ZNF560: variants seen among roughly 807,000 people sequenced by gnomAD.
ZNF560 encodes the protein zinc finger protein 560.
A neutral mutation model predicts 81.8 loss-of-function variants in ZNF560; 54 were observed. The observed-to-expected ratio is 0.66, with a 90% confidence interval of 0.53 to 0.83. The LOEUF (loss-of-function observed/expected upper bound fraction) is 0.83. ZNF560 is among the 40% of genes least tolerant of loss of function. ZNF560 has a pLI of 0.00. For synonymous variants in ZNF560, 321 were observed against 317.9 expected, an observed-to-expected ratio of 1.01 and a Z score of -0.10; for missense variants, 940 against 932.4, an observed-to-expected ratio of 1.01 and a Z score of -0.11.
chr19:9,467,544 G>T lies in ZNF560; in HGVS notation c.1403C>A (p.Ala468Asp), dbSNP rs1372786168. ...AATAACACCTGAGGATGTACCAAAGGCCTTCCCATATTCCTTATGCTCATA... is the reference window on the plus strand; with the variant it reads ...AATAACACCTGAGGATGTACCAAAGTCCTTCCCATATTCCTTATGCTCATA... ...KPYEHKEYGK[A>D]FGTSSGVIED... The change falls in exon 10 of 10, where the codon GCC (alanine) becomes GAC (aspartate). Residue 468 changes from alanine to aspartate, a missense_variant. Transcript: ENST00000301480. 1.2e-6 allele frequency: 2 copies of T among 1,613,970 alleles called. No homozygotes were observed. The highest frequency in any genetic ancestry group is 2.7e-5 in the African/African-American group (2 of 74,906).
chr19:9,490,479 A>C (rs11669128), intron 2 of ZNF560, among the ~76,000 whole-genome samples: 91,819 of 151,984 alleles, frequency 0.6, 27,963 homozygotes, highest in South Asian at 0.7. Flanking sequence ...ACATTTCGTC[A>C]CTAGCATGAA....
chr19:9,465,748 T>C (rs188430371), downstream of ZNF560, among the ~76,000 whole-genome samples: 34 of 152,290 alleles, frequency 2.2e-4, 1 homozygote, highest in African/African-American at 7.9e-4. Context: ...ATTCTACCAC[T>C]TTGGGAGGCC....
chr19:9,485,761 C>G (rs1444731244), intron 2 of ZNF560, among the ~76,000 whole-genome samples: 1 of 152,056 alleles, frequency 6.6e-6, no homozygotes, highest in Non-Finnish European at 1.5e-5. Context: ...GTCTTGAACT[C>G]CTGGCCTCAA....
At chr19:9,498,371 C>T (rs1306284153) in intron 1 of ZNF560, among the ~76,000 whole-genome samples, 156 bp from the exon 2 acceptor site, 1 of 152,126 alleles carries the variant, frequency 6.6e-6, no homozygotes, top group South Asian at 2.1e-4. Flanking sequence ...ACCGAAGGTC[C>T]CAATGGCCTC....
intron 5 of ZNF560, among the ~76,000 whole-genome samples, chr19:9,472,919 T>A (rs2073144888): frequency 6.6e-6 from 1 of 152,150 alleles, no homozygotes; most frequent in East Asian, 1.9e-4. Flanking sequence ...TCTCTTTTAC[T>A]CCCTTTCTCA....
At chr19:9,463,746 G>A (rs73018184), downstream of ZNF560, among the ~76,000 whole-genome samples, 16,027 of 152,170 alleles carry the variant, frequency 0.11, 998 homozygotes, top group South Asian at 0.2. Context: ...CCAATGGCAC[G>A]ATCTGAGCTC....
upstream of ZNF560, among the ~76,000 whole-genome samples, chr19:9,499,350 A>T (rs7259186): frequency 0.048 from 7,312 of 151,812 alleles, 604 homozygotes; most frequent in African/African-American, 0.17. Flanking sequence ...TTGTATTATT[A>T]TTATTATCAT....
chr19:9,499,205 G>C (rs1022231059), upstream of ZNF560, among the ~76,000 whole-genome samples: 13 of 151,414 alleles, frequency 8.6e-5, no homozygotes, highest in African/African-American at 3.2e-4. Context: ...GTAGGGTCTG[G>C]CTCGGTTGCC....
chr19:9,471,494 A>G, intron 5 of ZNF560, 116 bp from the exon 6 acceptor site: 1 of 746,006 alleles, frequency 1.3e-6, no homozygotes, highest in Non-Finnish European at 2.0e-6. Context: ...ATAAGAAAAA[A>G]GAAAGCTAAA....
rs766303143 is a variant in ZNF560 at position 9,473,300 on chromosome 19, GCCAGGCACAGT to G, written c.158-52_158-42del. The stretch of plus-strand genomic sequence containing the variant: ...TGATACATTAATGGAAGAGGCTCAG[GCCAGGCACAGT>G]GGCTCATGCCTGTAATCCCAGCACT... On this transcript the variant is annotated intron_variant, in intron 4 of 9. Transcript: ENST00000301480. The G allele has an allele frequency of 1.1e-5, 16 of 1,506,504 alleles. No homozygotes were observed. In the South Asian group the frequency reaches 1.8e-4, roughly 17 times the overall value. 93.3% of individuals were successfully genotyped at this position (1,506,504 alleles called of 1,614,324 possible).
At chr19:9,460,171 G>A in the ZNF560 span, among the ~76,000 whole-genome samples, 46 of 152,262 alleles carry the variant, frequency 3.0e-4, no homozygotes, top group Non-Finnish European at 6.0e-4. Flanking sequence ...GAGGTTTTGG[G>A]AGGATCCCAA....
At chr19:9,495,742 A>G (rs936202301) in intron 2 of ZNF560, among the ~76,000 whole-genome samples, 8 of 152,178 alleles carry the variant, frequency 5.3e-5, no homozygotes, top group African/African-American at 1.7e-4. Flanking sequence ...GAAAAGAAAG[A>G]AAGAACACTA....
Position 9,466,647 on chromosome 19 carries a change from G to A in ZNF560, c.2300C>T (p.Pro767Leu). 1 of 1,613,638 alleles carries A rather than the reference G, an allele frequency of 6.2e-7. No homozygotes were observed. Among genetic ancestry groups the A allele is most frequent in the Non-Finnish European group, 8.5e-7 (1 of 1,179,730 alleles). ...QHLRTHMGEK[P>L]FECDQCGKAF... ...TTTCCCACACTGGTCACATTCAAAG[G>A]GTTTCTCTCCCATATGAGTTCTTAA... The change falls in exon 10 of 10, where the codon CCC becomes CTC. Residue 767 changes from proline (P) to leucine (L), a missense_variant. By Grantham distance (98) the Pro-to-Leu change is moderately conservative. Coordinates refer to ENST00000301480, the MANE Select transcript of ZNF560 (RefSeq NM_152476.3).
At chr19:9,498,678 A>C (rs1249603771), upstream of ZNF560, 1 of 152,296 alleles carries the variant, frequency 6.6e-6, no homozygotes, top group East Asian at 1.9e-4. Context: ...TTGTGTGGGC[A>C]GTTGGACAGG....
At chr19:9,475,151 A>G in intron 3 of ZNF560, 133 bp downstream of exon 3, 2 of 885,596 alleles carry the variant, frequency 2.3e-6, no homozygotes, top group South Asian at 1.5e-5. Context: ...GGGGAAATTC[A>G]ACAAGTGACT....
the ZNF560 span, among the ~76,000 whole-genome samples, chr19:9,456,727 T>C: frequency 1.3e-5 from 2 of 152,200 alleles, no homozygotes; most frequent in Non-Finnish European, 2.9e-5. Context: ...TACTTTGCAT[T>C]GTAAAGGGCC....
In ZNF560 at chr19:9,466,979, A is replaced by G. The variant is rs2073031536; in HGVS notation, c.1968T>C (p.Tyr656=). Residue 656 remains tyrosine (Y), a synonymous_variant, in exon 10 of 10, where the codon TAT becomes TAC. Coordinates refer to ENST00000301480, the MANE Select transcript of ZNF560 (RefSeq NM_152476.3). ...AAGCTTTTTCACATGCATTACATTT[A>G]TAGGGTTTATATCCAGTGTGAGTTC... ...HLRTHTGYKP[Y]KCNACEKAYS... The G allele has an allele frequency of 6.2e-7, 1 of 1,614,038 alleles. No individual in the cohort carries two copies. The highest frequency in any genetic ancestry group is 1.1e-5 in the South Asian group (1 of 91,078).
intron 2 of ZNF560, among the ~76,000 whole-genome samples, chr19:9,493,468 C>A (rs1117268): frequency 0.6 from 91,742 of 151,828 alleles, 27,941 homozygotes; most frequent in South Asian, 0.7. Context: ...AGATTCAAGC[C>A]ATTCTCCTGC....
At chr19:9,494,010 G>A (rs1273976204) in intron 2 of ZNF560, among the ~76,000 whole-genome samples, 4 of 151,182 alleles carry the variant, frequency 2.6e-5, no homozygotes, top group South Asian at 2.1e-4. Context: ...GTGTGCACCT[G>A]TAATCCCAGC....
Sources: gnomAD v4.1 joint callset for allele counts (sites outside exome capture counted in the v4.1 genomes callset) on GRCh38, gnomAD v4.1.1 for gene constraint, MANE v1.5 for transcripts, NCBI Gene and HGNC (gene_info 2026-07-23, HGNC 2026-07-21) for gene names.